Variants in PCSK5 observed in about 807,000 individuals in gnomAD.
The protein encoded by PCSK5 is prohormone convertase 5.
A neutral mutation model predicts 233.2 loss-of-function variants in PCSK5; 129 were observed. The observed-to-expected ratio is 0.55, with a 90% CI of 0.48 to 0.64. PCSK5 has a LOEUF of 0.64. Among genes scored for constraint, PCSK5 ranks in the 30% least tolerant of loss-of-function variants. The pLI is 0.00. For missense variants in PCSK5, 2,076 were observed against 2,430.1 expected, an observed-to-expected ratio of 0.85 and a Z score of 3.06; for synonymous variants, 825 against 879.2, an observed-to-expected ratio of 0.94 and a Z score of 1.09.
intron 24 of PCSK5, among the ~76,000 whole-genome samples, chr9:76,244,021 T>A (rs1011413482): frequency 6.6e-6 from 1 of 152,176 alleles, no homozygotes; most frequent in Non-Finnish European, 1.5e-5. Context: ...CCCAGGAGTT[T>A]GAGACCAGTC....
At chr9:76,293,370 T>G (rs561525402) in intron 25 of PCSK5, among the ~76,000 whole-genome samples, 1 of 152,330 alleles carries the variant, frequency 6.6e-6, no homozygotes, top group Non-Finnish European at 1.5e-5. Flanking sequence ...TAATCTAACT[T>G]TTCCAGAATA....
intron 3 of PCSK5, among the ~76,000 whole-genome samples, chr9:76,000,023 C>T (rs937030548): frequency 6.6e-6 from 1 of 152,124 alleles, no homozygotes; most frequent in Non-Finnish European, 1.5e-5. Flanking sequence ...TGCAATCTAT[C>T]CAGCTGACAA....
chr9:76,257,939 G>T (rs1314443305), intron 24 of PCSK5, among the ~76,000 whole-genome samples: 1 of 152,184 alleles, frequency 6.6e-6, no homozygotes, highest in African/African-American at 2.4e-5. Flanking sequence ...AAGACAGTGT[G>T]TTCTGACTAG....
At chr9:76,173,440 G>A (rs923333028) in intron 13 of PCSK5, among the ~76,000 whole-genome samples, 14 of 135,458 alleles carry the variant, frequency 1.0e-4, no homozygotes, top group South Asian at 4.5e-4. Flanking sequence ...TTCTGCTTAC[G>A]GTTGATTCCT....
At chr9:76,260,219 A>T (rs76733166) in intron 24 of PCSK5, among the ~76,000 whole-genome samples, 1,732 of 152,262 alleles carry the variant, frequency 0.011, 30 homozygotes, top group African/African-American at 0.038. Flanking sequence ...GTCTCACAGT[A>T]TTGGTGGGAG....
chr9:76,218,777 C>T (rs900278696), intron 20 of PCSK5, among the ~76,000 whole-genome samples: 4 of 149,782 alleles, frequency 2.7e-5, no homozygotes, highest in East Asian at 1.9e-4. Context: ...TAACCCAGGA[C>T]GGGATGACTC....
At chr9:76,355,485 G>T (rs934855290) in intron 37 of PCSK5, among the ~76,000 whole-genome samples, 1 of 150,510 alleles carries the variant, frequency 6.6e-6, no homozygotes, top group African/African-American at 2.4e-5. Context: ...AAAAAGAAAA[G>T]AAAAGAAAAA....
chr9:76,295,734 A>G (rs919471408), intron 26 of PCSK5, among the ~76,000 whole-genome samples: 2 of 152,172 alleles, frequency 1.3e-5, no homozygotes, highest in Non-Finnish European at 2.9e-5. Context: ...GCATATTGAG[A>G]GCTCTGACCC....
At chr9:76,322,044 T>C (rs967422220) in intron 31 of PCSK5, among the ~76,000 whole-genome samples, 1 of 152,088 alleles carries the variant, frequency 6.6e-6, no homozygotes, top group East Asian at 1.9e-4. Context: ...CTGCCTCCCA[T>C]GTTTAAGCGA....
chr9:76,148,832 C>T (rs1823556799), intron 10 of PCSK5, among the ~76,000 whole-genome samples: 1 of 152,168 alleles, frequency 6.6e-6, no homozygotes, highest in African/African-American at 2.4e-5. Context: ...ATAACAAATC[C>T]CAGATTAATC....
chr9:76,219,184 T>A (rs1825641786), intron 20 of PCSK5, among the ~76,000 whole-genome samples: 1 of 152,150 alleles, frequency 6.6e-6, no homozygotes, highest in African/African-American at 2.4e-5. Context: ...GGCTAAAATG[T>A]TTGAGCACTT....
chr9:76,142,593 A>G (rs577546177), intron 10 of PCSK5, among the ~76,000 whole-genome samples: 2 of 152,308 alleles, frequency 1.3e-5, no homozygotes, highest in South Asian at 4.1e-4. Flanking sequence ...CTTAAGTAAA[A>G]TTATTTATGA....
intron 24 of PCSK5, among the ~76,000 whole-genome samples, chr9:76,256,323 T>C (rs960413041): frequency 4.6e-5 from 7 of 152,246 alleles, no homozygotes; most frequent in Non-Finnish European, 1.0e-4. Context: ...ACTGACCTGC[T>C]AAGTCGAGCT....
At chr9:76,095,487 A>C (rs1206739834) in intron 7 of PCSK5, among the ~76,000 whole-genome samples, 2 of 152,138 alleles carry the variant, frequency 1.3e-5, no homozygotes, top group Non-Finnish European at 2.9e-5. Context: ...ACTGTTTATG[A>C]CCTTAGGAAT....
At chr9:76,265,265 G>A (rs1015078151) in intron 24 of PCSK5, among the ~76,000 whole-genome samples, 5 of 152,024 alleles carry the variant, frequency 3.3e-5, no homozygotes, top group Admixed American at 2.6e-4. Context: ...AAGAGGAAAG[G>A]GAGGGAGGGG....
chr9:76,309,546 T>C (rs917649707), intron 29 of PCSK5, among the ~76,000 whole-genome samples: 1 of 151,926 alleles, frequency 6.6e-6, no homozygotes, highest in East Asian at 1.9e-4. Flanking sequence ...ATACAAAAAT[T>C]AGCCACATGT....
chr9:75,902,232 A>T (rs1826072327), intron 1 of PCSK5, among the ~76,000 whole-genome samples: 3 of 149,604 alleles, frequency 2.0e-5, no homozygotes, highest in Admixed American at 1.3e-4. Flanking sequence ...AAAAAAAAAA[A>T]AAAAAAAAAA....
intron 1 of PCSK5, among the ~76,000 whole-genome samples, chr9:75,930,370 G>A (rs1026619229): frequency 5.3e-5 from 8 of 152,202 alleles, no homozygotes; most frequent in Admixed American, 1.3e-4. Flanking sequence ...TGAGGCCAGA[G>A]AGAGGCTGGG....
chr9:76,166,151 G>GT (rs368183334), intron 12 of PCSK5, among the ~76,000 whole-genome samples: 10 of 151,326 alleles, frequency 6.6e-5, no homozygotes, highest in East Asian at 5.8e-4. Context: ...ATTGGTGCCT[G>GT]TTTTTTTTTC....
Sources: gnomAD v4.1 joint callset for allele counts (sites outside exome capture counted in the v4.1 genomes callset) on GRCh38, gnomAD v4.1.1 for gene constraint, MANE v1.5 for transcripts, NCBI Gene and HGNC (gene_info 2026-07-23, HGNC 2026-07-21) for gene names.